CDH22: variants seen among roughly 807,000 people sequenced by gnomAD.
CDH22 encodes the protein cadherin 22.
Under a neutral mutation model 58.4 loss-of-function variants are expected in CDH22, and 30 were observed. The ratio of observed to expected loss-of-function variants is 0.51; its 90% CI spans 0.38 to 0.70. CDH22 has a LOEUF of 0.70. Ranked by LOEUF, CDH22 falls within the 30% of genes least tolerant of loss-of-function variation. The pLI, the probability that CDH22 is intolerant of heterozygous loss-of-function variation, is 0.00. For synonymous variants in CDH22, 513 were observed against 558.2 expected (o/e 0.92, Z 1.14); for missense variants, 1,014 against 1,233.9 (o/e 0.82, Z 2.67).
chr20:46,268,364 G>A (rs115364923), intron 1 of CDH22, among the ~76,000 whole-genome samples: 1,944 of 152,370 alleles, frequency 0.013, 35 homozygotes, highest in African/African-American at 0.044. Flanking sequence ...CGCCTGCCTC[G>A]CAGCTCATCT....
At chr20:46,196,755 G>A (rs1192481633) in intron 8 of CDH22, among the ~76,000 whole-genome samples, 1 of 152,170 alleles carries the variant, frequency 6.6e-6, no homozygotes, top group Non-Finnish European at 1.5e-5. Flanking sequence ...CCCCTTAGGG[G>A]TGAAGATTTC....
At position 46,294,473 on chromosome 20, in the gene CDH22, T is replaced by C. The variant is rs577702146; in HGVS notation, c.-400+13782A>G. ...GTAGGAGGGTGCGGAAAGAGGAAGA[T>C]CTGTCCTAGCTGGGGTGTGAGAGAC... On this transcript the variant is annotated intron_variant, in intron 1 of 11. Transcript: ENST00000537909. Among the ~76,000 whole-genome samples the C allele has an allele frequency of 1.2e-4, 18 of 152,298 alleles. No individual in the cohort carries two copies. The East Asian group carries it at 2.3e-3, about 20-fold the overall frequency.
chr20:46,181,752 C>CTTCCTTCCTTCGTTCGTTCTTTCTTTCT lies in CDH22; in HGVS notation c.1664-3556_1664-3555insAGAAAGAAAGAACGAACGAAGGAAGGAA. ...CCTTCCTTCCTTCCTTCCTTCCTTC[C>CTTCCTTCCTTCGTTCGTTCTTTCTTTCT]TTCTTTCTTTCTTTCTTTCTTTCTT... On this transcript the variant is annotated intron_variant, in intron 10 of 11. Transcript: ENST00000537909. 7.6e-5 allele frequency among the ~76,000 whole-genome samples: 2 copies of CTTCCTTCCTTCGTTCGTTCTTTCTTTCT among 26,272 alleles called. 1 individual carries two copies. Among genetic ancestry groups the CTTCCTTCCTTCGTTCGTTCTTTCTTTCT allele is most frequent in the Non-Finnish European group, 1.7e-4 (2 of 12,080 alleles). The allele number at this position is 26,272 out of a possible 152,430, so 17.2% of individuals were successfully genotyped here.
chr20:46,307,880 TC>T (rs1057375638), intron 1 of CDH22, among the ~76,000 whole-genome samples: 57 of 151,796 alleles, frequency 3.8e-4, no homozygotes, highest in African/African-American at 1.2e-3. Context: ...TGCGCCACCT[TC>T]CCAGCCCCTT....
chr20:46,223,704 TC>T (rs1568664193), intron 4 of CDH22, among the ~76,000 whole-genome samples: 2 of 66,820 alleles, frequency 3.0e-5, no homozygotes, highest in Admixed American at 1.5e-4. Context: ...TTTCTTTCTT[TC>T]TTTCTTTCTT....
intron 1 of CDH22, among the ~76,000 whole-genome samples, chr20:46,298,200 GA>G (rs994512997): frequency 2.0e-5 from 3 of 150,962 alleles, no homozygotes; most frequent in South Asian, 2.1e-4. Context: ...CCTGGAAATA[GA>G]AAAAAAAAGG....
At chr20:46,181,629 CT>C in intron 10 of CDH22, among the ~76,000 whole-genome samples, 3 of 146,054 alleles carry the variant, frequency 2.1e-5, no homozygotes, top group Non-Finnish European at 4.5e-5. Context: ...CCCTCCCTCC[CT>C]TCCTTCCTTC....
chr20:46,292,332 A>C (rs1156929623), intron 1 of CDH22, among the ~76,000 whole-genome samples: 1 of 152,194 alleles, frequency 6.6e-6, no homozygotes, highest in Non-Finnish European at 1.5e-5. Flanking sequence ...AGCTGAGCTG[A>C]GGTGGGGTTC....
intron 7 of CDH22, among the ~76,000 whole-genome samples, chr20:46,200,810 G>A (rs2085954903): frequency 6.6e-6 from 1 of 152,158 alleles, no homozygotes; most frequent in Non-Finnish European, 1.5e-5. Flanking sequence ...GAGCCAACGG[G>A]GAATTTTGAG....
At chr20:46,225,003 G>A (rs1222096281) in intron 4 of CDH22, among the ~76,000 whole-genome samples, 1 of 152,220 alleles carries the variant, frequency 6.6e-6, no homozygotes, top group African/African-American at 2.4e-5. Flanking sequence ...GCCAAGCTCT[G>A]TAGCAGCAGC....
chr20:46,205,673 G>A (rs771400318), intron 7 of CDH22, among the ~76,000 whole-genome samples: 8 of 152,152 alleles, frequency 5.3e-5, no homozygotes, highest in Non-Finnish European at 8.8e-5. Context: ...CTAACTGAGA[G>A]GTGGGCCCAT....
rs758506610 is a variant in CDH22 at position 46,175,039 on chromosome 20, TGTG to T, written c.1951_1953del (p.His651del). 1 of 1,609,868 alleles carries T rather than the reference TGTG, an allele frequency of 6.2e-7. No homozygotes were observed. ...TCCTCGTCCGAGCTCAGGTGGCTCTTGTGGTGGCGCCTGAGGGTGAGGATCAGC... is the reference window on the plus strand; with the variant it reads ...TCCTCGTCCGAGCTCAGGTGGCTCTTGTGGCGCCTGAGGGTGAGGATCAGC... On this transcript the variant is annotated inframe_deletion, in exon 12 of 12. Coordinates refer to ENST00000537909, the MANE Select transcript of CDH22 (RefSeq NM_021248.3).
rs78526119 is a variant in CDH22 at position 46,211,977 on chromosome 20, A to G, written c.1032+1018T>C. 8.9e-4 allele frequency among the ~76,000 whole-genome samples: 135 copies of G among 152,292 alleles called. 2 individuals are homozygous for G. In the East Asian group the frequency reaches 0.025, roughly 29 times the overall value. On this transcript the variant is annotated intron_variant, in intron 6 of 11. Transcript: ENST00000537909. Reference sequence around the variant, plus strand: ...GGATCAAATGAGTTAATACGCAGAAAGTAGTTGAAGGGTGCCTGGCATGTG... The same window carrying G: ...GGATCAAATGAGTTAATACGCAGAAGGTAGTTGAAGGGTGCCTGGCATGTG...
Position 46,210,623 on chromosome 20 carries a change from AG to A in CDH22, c.1033-64del. 7.3e-7 allele frequency: 1 copy of A among 1,371,792 alleles called. No homozygotes were observed. Among genetic ancestry groups the A allele is most frequent in the Non-Finnish European group, 9.5e-7 (1 of 1,049,624 alleles). The allele number at this position is 1,371,792 out of a possible 1,614,324, so 85.0% of individuals were successfully genotyped here. On this transcript the variant is annotated intron_variant, in intron 6 of 11. Coordinates refer to ENST00000537909, the MANE Select transcript of CDH22 (RefSeq NM_021248.3). This position sits in a 1 kb window ranked among gnomAD's most constrained non-coding sequence, Gnocchi z 4.5. ...TCTGGTGGACACTGAGGCCTTCACGAGGGAGGCCAAGGCAGGCGGGGTTGGC... is the reference window on the plus strand; with the variant it reads ...TCTGGTGGACACTGAGGCCTTCACGAGGAGGCCAAGGCAGGCGGGGTTGGC...
intron 1 of CDH22, among the ~76,000 whole-genome samples, chr20:46,302,444 TG>T (rs1184473200): frequency 6.6e-6 from 1 of 152,146 alleles, no homozygotes; most frequent in African/African-American, 2.4e-5. Flanking sequence ...TGAAAAACAC[TG>T]ATCTAATGTG....
intron 8 of CDH22, among the ~76,000 whole-genome samples, chr20:46,188,222 C>G (rs2085840241): frequency 6.6e-6 from 1 of 152,106 alleles, no homozygotes; most frequent in African/African-American, 2.4e-5. Flanking sequence ...TGGGTAAGAC[C>G]CTGCCTTCTC....
chr20:46,225,870 GAA>G lies in CDH22; in HGVS notation c.670+1636_670+1637del, dbSNP rs376461179. ...TACTTTTTTGGGGAGAAAAAATAAT[GAA>G]GATACTTTGTGTGAGAAAATACAAT... is the stretch of plus-strand genomic sequence containing the variant. On this transcript the variant is annotated intron_variant, in intron 4 of 11. Coordinates refer to ENST00000537909, the MANE Select transcript of CDH22 (RefSeq NM_021248.3). Among the ~76,000 whole-genome samples the G allele has an allele frequency of 7.6e-4, 115 of 151,894 alleles. 2 individuals carry two copies. In the South Asian group the frequency reaches 0.023, roughly 31 times the overall value.
chr20:46,244,209 G>C lies in CDH22; in HGVS notation c.256-2952C>G, dbSNP rs565947203. ...CCAGGCAGGGCTCACTTACGAGTGA[G>C]GAATGGAGAGGAGCGAGTAGAACCT... is the stretch of plus-strand genomic sequence containing the variant. On this transcript the variant is annotated intron_variant, in intron 2 of 11. Transcript: ENST00000537909. Among the ~76,000 whole-genome samples the C allele has an allele frequency of 3.9e-5, 6 of 152,332 alleles. No individual in the cohort carries two copies. In the South Asian group the frequency reaches 1.0e-3, roughly 26 times the overall value.
At chr20:46,303,783 G>A (rs1001403261) in intron 1 of CDH22, among the ~76,000 whole-genome samples, 2 of 152,178 alleles carry the variant, frequency 1.3e-5, no homozygotes, top group South Asian at 2.1e-4. Context: ...GACCTTGAAT[G>A]TCATAGTGCC....
Sources: gnomAD v4.1 joint callset for allele counts (sites outside exome capture counted in the v4.1 genomes callset) on GRCh38, gnomAD v4.1.1 for gene constraint, Gnocchi (gnomAD v3.1) non-coding constraint, MANE v1.5 for transcripts, NCBI Gene and HGNC (gene_info 2026-07-23, HGNC 2026-07-21) for gene names.